The following SCAPER variants were observed in gnomAD, a reference collection of about 807,000 sequenced individuals.
The protein encoded by SCAPER is S phase cyclin A-associated protein in the endoplasmic reticulum.
In SCAPER, 98 loss-of-function variants were observed where a neutral mutation model predicts 182.2. The ratio of observed to expected loss-of-function variants is 0.54; its 90% confidence interval spans 0.46 to 0.64. SCAPER has a LOEUF of 0.64. SCAPER is among the 30% of genes least tolerant of loss of function. The pLI is 0.00. For synonymous variants in SCAPER, 605 were observed against 564.6 expected, an observed-to-expected ratio of 1.07 and a Z score of -1.01; for missense variants, 1,432 against 1,690.0, an observed-to-expected ratio of 0.85 and a Z score of 2.68.
chr15:76,848,571 C>A (rs899013480), intron 4 of SCAPER, among the ~76,000 whole-genome samples: 1 of 135,826 alleles, frequency 7.4e-6, no homozygotes, highest in Non-Finnish European at 1.6e-5. Context: ...CCTGACCTCG[C>A]GATCTGCCCA....
chr15:76,887,742 A>G (rs2073928129), intron 1 of SCAPER, among the ~76,000 whole-genome samples: 1 of 152,212 alleles, frequency 6.6e-6, no homozygotes, highest in Non-Finnish European at 1.5e-5. Context: ...CTGAACAAAA[A>G]GCAGCAGACA....
chr15:76,389,639 C>A (rs1313677390), intron 27 of SCAPER, among the ~76,000 whole-genome samples: 2 of 150,946 alleles, frequency 1.3e-5, no homozygotes, highest in Non-Finnish European at 2.9e-5. Context: ...CGGTGAAACC[C>A]CATCTTTACT....
At chr15:76,647,728 A>C (rs2054661760) in intron 21 of SCAPER, among the ~76,000 whole-genome samples, 5 of 152,230 alleles carry the variant, frequency 3.3e-5, no homozygotes, top group Admixed American at 2.6e-4. Context: ...AGGAACTGTA[A>C]GCTGAACAAG....
intron 21 of SCAPER, among the ~76,000 whole-genome samples, chr15:76,657,382 A>G (rs2055739482): frequency 1.3e-5 from 2 of 152,088 alleles, no homozygotes; most frequent in Non-Finnish European, 2.9e-5. Context: ...CCCAATAACT[A>G]GGACTGAAAC....
intron 5 of SCAPER, among the ~76,000 whole-genome samples, chr15:76,805,435 T>C (rs1370909790): frequency 6.6e-6 from 1 of 152,228 alleles, no homozygotes; most frequent in Non-Finnish European, 1.5e-5. Context: ...TGCTGCTTTC[T>C]GACTTTTTTA....
At chr15:76,902,308 G>C (rs535513005) in intron 1 of SCAPER, among the ~76,000 whole-genome samples, 16 of 152,304 alleles carry the variant, frequency 1.1e-4, no homozygotes, top group Non-Finnish European at 2.1e-4. Flanking sequence ...ATATGTGATT[G>C]TAAAAGTCAC....
At chr15:76,608,457 G>A (rs535897407) in intron 22 of SCAPER, among the ~76,000 whole-genome samples, 4 of 152,260 alleles carry the variant, frequency 2.6e-5, no homozygotes, top group Non-Finnish European at 5.9e-5. Context: ...TAGGCTACTC[G>A]GGGGTCAGGG....
chr15:76,399,264 A>G (rs1007372172), intron 27 of SCAPER, among the ~76,000 whole-genome samples: 1 of 151,966 alleles, frequency 6.6e-6, no homozygotes, highest in African/African-American at 2.4e-5. Context: ...CAGCCTCCCA[A>G]ACAGCTGGGA....
At chr15:76,849,945 TG>T (rs1163600151) in intron 4 of SCAPER, among the ~76,000 whole-genome samples, 1 of 152,144 alleles carries the variant, frequency 6.6e-6, no homozygotes, top group Non-Finnish European at 1.5e-5. Flanking sequence ...GGGGAAATGC[TG>T]GACACCTATA....
intron 21 of SCAPER, among the ~76,000 whole-genome samples, chr15:76,625,451 C>T (rs1324987942): frequency 2.6e-5 from 4 of 152,268 alleles, no homozygotes; most frequent in African/African-American, 4.8e-5. Flanking sequence ...GTGGCCTCAC[C>T]GCTAGGGGCA....
chr15:76,720,450 G>A (rs1211198460), intron 17 of SCAPER, among the ~76,000 whole-genome samples: 2 of 152,128 alleles, frequency 1.3e-5, no homozygotes, highest in Admixed American at 6.6e-5. Context: ...ACCCAGTAAT[G>A]GGACGACTGG....
chr15:76,610,633 A>C (rs2050894105), intron 22 of SCAPER, among the ~76,000 whole-genome samples: 1 of 152,214 alleles, frequency 6.6e-6, no homozygotes, highest in Non-Finnish European at 1.5e-5. Context: ...TTCTATGTAT[A>C]AACAACAAAC....
intron 5 of SCAPER, among the ~76,000 whole-genome samples, chr15:76,813,226 C>CAAAAAAAA (rs2066777865): frequency 5.4e-5 from 1 of 18,408 alleles, no homozygotes; most frequent in African/African-American, 3.3e-4. Flanking sequence ...TATCCTTTCA[C>CAAAAAAAA]TAAAAAAAAA....
chr15:76,380,063 A>C (rs2042851798), intron 28 of SCAPER: 1 of 152,232 alleles, frequency 6.6e-6, no homozygotes, highest in Non-Finnish European at 1.5e-5. Context: ...CTTTCGACGC[A>C]GCTGATGGGT....
intron 20 of SCAPER, among the ~76,000 whole-genome samples, chr15:76,683,086 G>C (rs1265878499): frequency 1.3e-5 from 2 of 152,058 alleles, no homozygotes; most frequent in Non-Finnish European, 2.9e-5. Flanking sequence ...ATAGAATTCA[G>C]AATATGGATA....
At chr15:76,850,693 T>C (rs2151827707) in intron 4 of SCAPER, among the ~76,000 whole-genome samples, 1 of 151,436 alleles carries the variant, frequency 6.6e-6, no homozygotes, top group East Asian at 1.9e-4. Context: ...AAACACCATC[T>C]CTACAAAAAT....
At chr15:76,664,050 A>G (rs1041917986) in intron 21 of SCAPER, among the ~76,000 whole-genome samples, 2 of 152,206 alleles carry the variant, frequency 1.3e-5, no homozygotes, top group Non-Finnish European at 2.9e-5. Context: ...ACATTTGATC[A>G]AAGACCTGAA....
At chr15:76,794,062 G>C (rs958470898) in intron 8 of SCAPER, among the ~76,000 whole-genome samples, 2 of 152,200 alleles carry the variant, frequency 1.3e-5, no homozygotes, top group Non-Finnish European at 2.9e-5. Context: ...CATGAGAGCA[G>C]AGGAAAAACA....
At chr15:76,888,542 C>G (rs544524948) in intron 1 of SCAPER, among the ~76,000 whole-genome samples, 1 of 152,040 alleles carries the variant, frequency 6.6e-6, no homozygotes, top group South Asian at 2.1e-4. Context: ...TAAGCCTCAG[C>G]AGCCGATTCA....
Sources: allele counts gnomAD v4.1 joint callset (sites outside exome capture counted in the v4.1 genomes callset), GRCh38; gene constraint gnomAD v4.1.1; transcripts MANE v1.5; gene names NCBI Gene and HGNC (gene_info 2026-07-23, HGNC 2026-07-21).